Variants in KCP observed in about 807,000 individuals in gnomAD.
KCP encodes the protein kielin/chordin-like protein.
Under a neutral mutation model 212.7 loss-of-function variants are expected in KCP, and 194 were observed. That is an observed-to-expected ratio of 0.91 (90% CI 0.81 to 1.03). The LOEUF (loss-of-function observed/expected upper bound fraction) is 1.03, where lower values mean the gene tolerates loss of function less well. KCP is among the 50% of genes least tolerant of loss of function. The pLI is 0.00. For synonymous variants in KCP, 833 were observed against 865.3 expected (o/e 0.96, Z 0.65); for missense variants, 2,080 against 2,162.5 (o/e 0.96, Z 0.76).
chr7:128,893,710 CAG>C (rs1794332153), intron 11 of KCP, 94 bp downstream of exon 11: 1 of 1,341,212 alleles, frequency 7.5e-7, no homozygotes. Flanking sequence ...AACAGGGTAA[CAG>C]GGGCTTAGGT....
In KCP at chr7:128,886,857, C is replaced by A; in HGVS notation, c.2689+19G>T. The A allele has an allele frequency of 6.7e-7, 1 of 1,482,232 alleles. No homozygotes were observed. Among genetic ancestry groups the A allele is most frequent in the Admixed American group, 2.0e-5 (1 of 49,782 alleles). 91.8% of individuals were successfully genotyped at this position (1,482,232 alleles called of 1,614,324 possible). A position where few individuals can be genotyped will look rare whatever the true frequency, so the allele number is the denominator to read the frequency against. On this transcript the variant is annotated intron_variant, in intron 24 of 39. Transcript: ENST00000610776. ...GGCGGGGAAGGGCATGGGGGCCGCGCATGAGGAAGGCAGCTCACTGTGGCA... is the reference window on the plus strand; with the variant it reads ...GGCGGGGAAGGGCATGGGGGCCGCGAATGAGGAAGGCAGCTCACTGTGGCA...
chr7:128,905,360 A>C (rs953601538), intron 5 of KCP, among the ~76,000 whole-genome samples: 4 of 152,206 alleles, frequency 2.6e-5, no homozygotes, highest in African/African-American at 9.6e-5. Flanking sequence ...ATCTGGCAAC[A>C]CTATCACCTT....
chr7:128,887,037 C>G, intron 23 of KCP, 71 bp from the exon 24 acceptor site: 1 of 1,028,046 alleles, frequency 9.7e-7, no homozygotes, highest in Non-Finnish European at 1.5e-6. Context: ...CCCTACTGAG[C>G]CTGCAGGGGC....
chr7:128,893,886 T>G lies in KCP; in HGVS notation c.1019A>C (p.Gln340Pro), dbSNP rs1216984324. The change falls in exon 11 of 40, where the codon CAG (glutamine) becomes CCG (proline). Residue 340 changes from glutamine (Q) to proline (P), a missense_variant. Coordinates refer to ENST00000610776, the MANE Select transcript of KCP (RefSeq NM_001366122.1). ...SHCRCANGSV[Q>P]CEPLPCPPVP... ...TGGCGGGCAGGGCAGAGGCTCACAC[T>G]GGACACTCCCATTCTGCCAACAGGG... 1.9e-6 allele frequency: 3 copies of G among 1,551,160 alleles called. 1 individual carries two copies. In the South Asian group the frequency reaches 3.6e-5, roughly 18 times the overall value.
chr7:128,898,723 TTAGA>T (rs1275922344), intron 8 of KCP, among the ~76,000 whole-genome samples: 21 of 152,204 alleles, frequency 1.4e-4, no homozygotes, highest in Non-Finnish European at 2.1e-4. Flanking sequence ...TTGTTTTAAG[TTAGA>T]TAGAATAAAG....
At chr7:128,903,121 C>G (rs1455428989) in intron 7 of KCP, 1 of 531,732 alleles carries the variant, frequency 1.9e-6, no homozygotes, top group Non-Finnish European at 3.4e-6. Context: ...TCTCTGGCCC[C>G]TCGTCACCTC....
In KCP at chr7:128,877,282, C is replaced by T. The variant is rs774995621; in HGVS notation, c.4648G>A (p.Val1550Met). 36 of 1,509,764 alleles carry T rather than the reference C, an allele frequency of 2.4e-5. No homozygotes were observed. The highest frequency in any genetic ancestry group is 3.9e-5 in the South Asian group (3 of 77,580). 93.5% of individuals were successfully genotyped at this position (1,509,764 alleles called of 1,614,324 possible). The change falls in exon 40 of 40, where the codon GTG (valine) becomes ATG (methionine). Residue 1550 changes from valine (V) to methionine (M), a missense_variant. Physicochemically the swap from Val to Met is conservative, Grantham distance 21. Coordinates refer to ENST00000610776, the MANE Select transcript of KCP (RefSeq NM_001366122.1). ...VVGCPLERGF[V>M]FDECGPPCPR... ...CAGGGTGGGCCGCACTCATCAAACA[C>T]GAAGCCACGCTCCAGGGGGCAGCCT...
Position 128,877,090 on chromosome 7 carries a change from G to A in KCP, c.4840C>T (p.Leu1614Phe), listed in dbSNP as rs1372131929. The change falls in exon 40 of 40, where the codon CTT (leucine) becomes TTT (phenylalanine). Residue 1614 changes from leucine (L) to phenylalanine (F), a missense_variant. Physicochemically the swap from Leu to Phe is conservative, Grantham distance 22. Coordinates refer to ENST00000610776, the MANE Select transcript of KCP (RefSeq NM_001366122.1). ...CGGCTGGGGCTGGGCCGAGCACCAA[G>A]TGGCTGGTCTCCAGTGAGCAGGACT... ...PQVLLTGDQP[L>F]GARPSPSREP... The A allele has an allele frequency of 2.0e-6, 3 of 1,520,208 alleles. No individual in the cohort carries two copies. In the African/African-American group the frequency reaches 4.2e-5, roughly 21 times the overall value. The allele number at this position is 1,520,208 out of a possible 1,614,324, so 94.2% of individuals were successfully genotyped here. A position where few individuals can be genotyped will look rare whatever the true frequency, so the allele number is the denominator to read the frequency against.
At chr7:128,882,986 C>A (rs1179397667) in intron 29 of KCP, among the ~76,000 whole-genome samples, 1 of 151,726 alleles carries the variant, frequency 6.6e-6, no homozygotes, top group Admixed American at 6.6e-5. Flanking sequence ...GCAGGTGAAT[C>A]CCTCGAATCC....
intron 2 of KCP, 116 bp downstream of exon 2, chr7:128,908,310 A>T (rs1268026180): frequency 4.4e-6 from 2 of 459,522 alleles, no homozygotes; most frequent in Non-Finnish European, 6.2e-6. Flanking sequence ...AAGAAAGGGA[A>T]TTGTTCAGAT....
At chr7:128,901,966 C>T (rs1423705666) in intron 8 of KCP, among the ~76,000 whole-genome samples, 2 of 152,222 alleles carry the variant, frequency 1.3e-5, no homozygotes, top group Non-Finnish European at 2.9e-5. Context: ...CCTAAGTAAA[C>T]ACCACCCCAC....
chr7:128,907,264 C>A lies in KCP; in HGVS notation c.409G>T (p.Gly137Cys), dbSNP rs1795170798. 2 of 1,533,540 alleles carry A rather than the reference C, an allele frequency of 1.3e-6. No homozygotes were observed. The highest frequency in any genetic ancestry group is 3.4e-4 in the Middle Eastern group (2 of 5,932). The allele number at this position is 1,533,540 out of a possible 1,614,324, so 95.0% of individuals were successfully genotyped here. The change falls in exon 3 of 40, where the codon GGC (glycine) becomes TGC (cysteine). Residue 137 changes from glycine (G) to cysteine (C), a missense_variant and splice_region_variant. Physicochemically the swap from Gly to Cys is radical, Grantham distance 159. Transcript: ENST00000610776. ...AGTGGGCGGATAGGGTGGCACTTACCCCTGCAATGGGGCAGGTGTGCTTGG... is the reference window on the plus strand; with the variant it reads ...AGTGGGCGGATAGGGTGGCACTTACACCTGCAATGGGGCAGGTGTGCTTGG... The part of the protein sequence containing the change: ...GPQAHLPHCR[G>C]CSQNGQTYGN...
intron 8 of KCP, among the ~76,000 whole-genome samples, chr7:128,899,862 T>TTAAGGCATCATG: frequency 6.6e-6 from 1 of 152,182 alleles, no homozygotes; most frequent in South Asian, 2.1e-4. Context: ...TCATGATTCC[T>TTAAGGCATCATG]TAAGGAATCA....
rs149156772 is a variant in KCP, at chr7:128,880,740, G to T, written c.3514-19C>A. On this transcript the variant is annotated intron_variant, in intron 32 of 39. Transcript: ENST00000610776. ...GGCCCCGCTGAGGACAGACATCATT[G>T]TTCTGGGGTTTTCTGCAGGGCCGGA... 3 of 411,866 alleles carry T rather than the reference G, an allele frequency of 7.3e-6. No homozygotes were observed. The highest frequency in any genetic ancestry group is 1.3e-5 in the Non-Finnish European group (3 of 234,798). 25.5% of individuals were successfully genotyped at this position (411,866 alleles called of 1,614,324 possible).
intron 21 of KCP, chr7:128,889,968 A>C (rs1585217169): frequency 7.4e-6 from 1 of 135,624 alleles, no homozygotes; most frequent in East Asian, 2.1e-4. Context: ...TCACTCTGTC[A>C]CCCAGCCTGG....
chr7:128,878,055 C>CTT (rs34574520), intron 38 of KCP, among the ~76,000 whole-genome samples: 6,960 of 131,724 alleles, frequency 0.053, 651 homozygotes, highest in African/African-American at 0.18. Flanking sequence ...AACAAGCCTT[C>CTT]TTTTTTTTTT....
chr7:128,888,902 G>T lies in KCP; in HGVS notation c.2473C>A (p.Pro825Thr), dbSNP rs1310780610. 1 of 1,550,542 alleles carries T rather than the reference G, an allele frequency of 6.4e-7. No homozygotes were observed. Among genetic ancestry groups the T allele is most frequent in the East Asian group, 2.4e-5 (1 of 40,902 alleles). Residue 825 changes from proline (P) to threonine (T), a missense_variant, in exon 22 of 40, where the codon CCA (proline) becomes ACA (threonine). Pro to Thr is a conservative substitution (Grantham distance 38, BLOSUM62 -1). Coordinates refer to ENST00000610776, the MANE Select transcript of KCP (RefSeq NM_001366122.1). ...CAGCAGTGCCCAGAGGGGATGAGTG[G>T]GTGGCTGCAGCCCGGAGGCTCACAG... ...RPCEPPGCSH[P>T]LIPSGHCCPT...
intron 29 of KCP, among the ~76,000 whole-genome samples, chr7:128,883,145 CT>C (rs550292146): frequency 2.3e-3 from 323 of 143,242 alleles, no homozygotes; most frequent in Middle Eastern, 7.2e-3. Context: ...TTTTTTCTTT[CT>C]TTTTTTTTTT....
Position 128,886,908 on chromosome 7 carries a change from GA to G in KCP, c.2656del (p.Ser886LeufsTer199). 1.3e-6 allele frequency: 2 copies of G among 1,531,894 alleles called. No homozygotes were observed. Among genetic ancestry groups the G allele is most frequent in the Non-Finnish European group, 1.8e-6 (2 of 1,136,716 alleles). The allele number at this position is 1,531,894 out of a possible 1,614,324, so 94.9% of individuals were successfully genotyped here. A position where few individuals can be genotyped will look rare whatever the true frequency, so the allele number is the denominator to read the frequency against. On this transcript the variant is annotated frameshift_variant, in exon 24 of 40. Transcript: ENST00000610776. LOFTEE classifies it high-confidence loss of function. ...AACAGGGCAGAAGCAGGGGCCTGGA[GA>G]GGGGTGGGGGCAGAGAGCTGGGGGA... ...PCPPALCPHP[S>X]PGPCFCPVCH...
Sources: allele counts gnomAD v4.1 joint callset (sites outside exome capture counted in the v4.1 genomes callset), GRCh38; gene constraint gnomAD v4.1.1; transcripts MANE v1.5; gene names NCBI Gene and HGNC (gene_info 2026-07-23, HGNC 2026-07-21).